The following PCDHGA10 variants were observed in gnomAD, a reference collection of about 807,000 sequenced individuals.
The protein encoded by PCDHGA10 is protocadherin gamma-A10.
A neutral mutation model predicts 59.5 loss-of-function variants in PCDHGA10; 42 were observed. The ratio of observed to expected loss-of-function variants is 0.71; its 90% CI spans 0.55 to 0.91. PCDHGA10 has a LOEUF of 0.91. Ranked by LOEUF, PCDHGA10 falls within the 40% of genes least tolerant of loss-of-function variation. The pLI is 0.00. For missense variants in PCDHGA10, 1,111 were observed against 1,198.2 expected (o/e 0.93, Z 1.07); for synonymous variants, 511 against 517.2 (o/e 0.99, Z 0.16).
chr5:141,502,577 A>G (rs1260539435), intron 2 of PCDHGA10, among the ~76,000 whole-genome samples: 2 of 152,192 alleles, frequency 1.3e-5, no homozygotes, highest in African/African-American at 4.8e-5. Context: ...TTATAAAAAT[A>G]TATTTTTATA....
intron 1 of PCDHGA10, chr5:141,422,258 A>G (rs2096637047): frequency 6.4e-7 from 1 of 1,565,282 alleles, no homozygotes; most frequent in East Asian, 2.2e-5. Flanking sequence ...GTGAATGATA[A>G]CGCTCCAGAA....
intron 1 of PCDHGA10, chr5:141,427,753 T>A (rs745532152): frequency 4.5e-6 from 6 of 1,322,510 alleles, no homozygotes; most frequent in Non-Finnish European, 6.4e-6. Flanking sequence ...TACTCCATCG[T>A]TACCACTGAC....
At chr5:141,503,836 A>G (rs1260399957) in intron 2 of PCDHGA10, among the ~76,000 whole-genome samples, 4 of 152,142 alleles carry the variant, frequency 2.6e-5, no homozygotes, top group Admixed American at 6.5e-5. Flanking sequence ...AAAAGCAGGG[A>G]CAGACCTTGG....
At chr5:141,430,883 G>T in intron 1 of PCDHGA10, 1 of 1,601,036 alleles carries the variant, frequency 6.2e-7, no homozygotes, top group Non-Finnish European at 8.5e-7. Context: ...GCTGGAGAAA[G>T]GCTCTAGGGT....
intron 1 of PCDHGA10, chr5:141,416,038 G>T: frequency 5.1e-6 from 1 of 196,894 alleles, no homozygotes; most frequent in Non-Finnish European, 1.0e-5. Flanking sequence ...AATCACCTCT[G>T]GAAACACAAC....
intron 1 of PCDHGA10, among the ~76,000 whole-genome samples, chr5:141,442,702 T>A (rs1301940560): frequency 1.3e-5 from 2 of 152,342 alleles, no homozygotes; most frequent in African/African-American, 4.8e-5. Context: ...GACAAGAGTA[T>A]CAGACATGCC....
At chr5:141,426,986 C>A (rs764345099) in intron 1 of PCDHGA10, 6 of 456,618 alleles carry the variant, frequency 1.3e-5, no homozygotes, top group Non-Finnish European at 2.2e-5. Flanking sequence ...CTGATGCCAA[C>A]GATAATGCCC....
chr5:141,425,869 C>G (rs1376765137), intron 1 of PCDHGA10, among the ~76,000 whole-genome samples: 1 of 152,198 alleles, frequency 6.6e-6, no homozygotes, highest in Non-Finnish European at 1.5e-5. Flanking sequence ...TATAGATTCC[C>G]ATCTCTAAGG....
At position 141,490,487 on chromosome 5, in the gene PCDHGA10, C is replaced by T. The variant is rs1398601464; in HGVS notation, c.2437-4320C>T. Reference sequence around the variant, plus strand: ...ACCAGCCAGCCTTTGGACCGGGAGGCCACATCCCACTATATCATCGAGCTG... The same window carrying T: ...ACCAGCCAGCCTTTGGACCGGGAGGTCACATCCCACTATATCATCGAGCTG... On this transcript the variant is annotated intron_variant, in intron 1 of 3. Coordinates refer to ENST00000398610, the MANE Select transcript of PCDHGA10 (RefSeq NM_018913.3). This position sits in a 1 kb window ranked among gnomAD's most constrained non-coding sequence, Gnocchi z 5.4. 4 of 1,614,000 alleles carry T rather than the reference C, an allele frequency of 2.5e-6. No homozygotes were observed. The highest frequency in any genetic ancestry group is 1.7e-5 in the Admixed American group (1 of 59,996).
At position 141,413,858 on chromosome 5, in the gene PCDHGA10, G is replaced by A. The variant is rs751172785; in HGVS notation, c.683G>A (p.Gly228Asp). 28 of 1,613,140 alleles carry A rather than the reference G, an allele frequency of 1.7e-5. No individual in the cohort carries two copies. Among genetic ancestry groups the A allele is most frequent in the African/African-American group, 4.0e-5 (3 of 74,844 alleles). The change falls in exon 1 of 4, where the codon GGC (glycine) becomes GAC (aspartate). Residue 228 changes from glycine (G) to aspartate (D), a missense_variant. Physicochemically the swap from Gly to Asp is moderately conservative, Grantham distance 94. Coordinates refer to ENST00000398610, the MANE Select transcript of PCDHGA10 (RefSeq NM_018913.3). ...GACGGGGGTGACCCTCTCCGATCTG[G>A]CACTGTCCTTGTCAGTGTGACTGTC... is the stretch of plus-strand genomic sequence containing the variant. ...ASDGGDPLRS[G>D]TVLVSVTVFD...
chr5:141,417,980 C>G lies in PCDHGA10; in HGVS notation c.2436+2369C>G, dbSNP rs905203424. On this transcript the variant is annotated intron_variant, in intron 1 of 3. Coordinates refer to ENST00000398610, the MANE Select transcript of PCDHGA10 (RefSeq NM_018913.3). ...GATCCGCTACTCGATTCCGGAGGAG[C>G]TGGCCAAGGGCTCGGTGGTGGGGAA... is the stretch of plus-strand genomic sequence containing the variant. The G allele has an allele frequency of 1.9e-6, 3 of 1,613,738 alleles. No individual in the cohort carries two copies. In the African/African-American group the frequency reaches 4.0e-5, roughly 22 times the overall value.
intron 1 of PCDHGA10, among the ~76,000 whole-genome samples, chr5:141,430,253 T>G (rs2097270288): frequency 9.8e-6 from 1 of 102,050 alleles, no homozygotes; most frequent in Admixed American, 1.0e-4. Context: ...TAGGGAGACA[T>G]CTCCATAATA....
In PCDHGA10 at chr5:141,490,498, T is replaced by C. The variant is rs544031284; in HGVS notation, c.2437-4309T>C. On this transcript the variant is annotated intron_variant, in intron 1 of 3. Coordinates refer to ENST00000398610, the MANE Select transcript of PCDHGA10 (RefSeq NM_018913.3). This position sits in a 1 kb window ranked among gnomAD's most constrained non-coding sequence, Gnocchi z 5.4. ...TTTGGACCGGGAGGCCACATCCCAC[T>C]ATATCATCGAGCTGCTGGCCAGCGA... 1.2e-6 allele frequency: 2 copies of C among 1,614,132 alleles called. No individual in the cohort carries two copies. Among genetic ancestry groups the C allele is most frequent in the African/African-American group, 1.3e-5 (1 of 75,038 alleles).
intron 2 of PCDHGA10, among the ~76,000 whole-genome samples, chr5:141,498,573 A>G (rs7725519): frequency 0.52 from 78,890 of 151,684 alleles, 21,175 homozygotes; most frequent in African/African-American, 0.65. Flanking sequence ...CAGGGCTAGT[A>G]TTGAGTTCTT....
intron 1 of PCDHGA10, among the ~76,000 whole-genome samples, chr5:141,458,921 C>CG (rs2098956905): frequency 6.6e-6 from 1 of 151,960 alleles, no homozygotes; most frequent in African/African-American, 2.4e-5. Flanking sequence ...TTTGTGGAGA[C>CG]GGGGTCTCAC....
chr5:141,414,064 C>T lies in PCDHGA10; in HGVS notation c.889C>T (p.Gln297Ter). 1 of 1,607,864 alleles carries T rather than the reference C, an allele frequency of 6.2e-7. No homozygotes were observed. The highest frequency in any genetic ancestry group is 8.5e-7 in the Non-Finnish European group (1 of 1,177,210). Residue 297 changes from glutamine (Q) to a stop codon, truncating the protein, a stop_gained, in exon 1 of 4, where the codon CAA (glutamine) becomes TAA (stop). Coordinates refer to ENST00000398610, the MANE Select transcript of PCDHGA10 (RefSeq NM_018913.3). LOFTEE classifies it high-confidence loss of function. ...KLPDTQLLKFQLNKYTGEIKI... is the reference protein window; with the variant it reads ...KLPDTQLLKF ...ACCTGACACGCAATTGTTGAAGTTC[C>T]AACTAAACAAATATACTGGAGAAAT...
At chr5:141,467,672 A>T (rs1410623274) in intron 1 of PCDHGA10, among the ~76,000 whole-genome samples, 2 of 151,636 alleles carry the variant, frequency 1.3e-5, no homozygotes, top group Non-Finnish European at 2.9e-5. Context: ...GAAGATTTTT[A>T]TTTTTTTTAG....
chr5:141,440,077 C>T (rs983267885), intron 1 of PCDHGA10: 1 of 152,424 alleles, frequency 6.6e-6, no homozygotes, highest in Non-Finnish European at 1.5e-5. Flanking sequence ...AGGAATAATA[C>T]TTCATTCTAA....
intron 1 of PCDHGA10, 58 bp from the exon 2 acceptor site, chr5:141,494,749 G>A (rs573811540): frequency 2.9e-5 from 47 of 1,612,698 alleles, no homozygotes; most frequent in Non-Finnish European, 3.6e-5. Flanking sequence ...CTAGGGGCTC[G>A]GGTGACATTC....
Sources: allele counts gnomAD v4.1 joint callset (sites outside exome capture counted in the v4.1 genomes callset), GRCh38; gene constraint gnomAD v4.1.1; non-coding constraint Gnocchi (gnomAD v3.1); transcripts MANE v1.5; gene names NCBI Gene and HGNC (gene_info 2026-07-23, HGNC 2026-07-21).